The following NIPBL variants were observed in gnomAD, a reference collection of about 807,000 sequenced individuals.
NIPBL encodes nipped-B-like protein.
NIPBL carries 19 observed loss-of-function variants against 321.8 expected under a neutral mutation model. The observed-to-expected ratio is 0.06, with a 90% CI of 0.04 to 0.09. The LOEUF is 0.09. Among genes scored for constraint, NIPBL ranks in the 10% least tolerant of loss-of-function variants. NIPBL has a pLI of 1.00. For synonymous variants in NIPBL, 1,106 were observed against 1,114.1 expected, an observed-to-expected ratio of 0.99 and a Z score of 0.14; for missense variants, 2,210 against 3,327.0, an observed-to-expected ratio of 0.66 and a Z score of 8.26.
At chr5:36,932,973 G>A (rs919062293) in intron 1 of NIPBL, among the ~76,000 whole-genome samples, 11 of 151,468 alleles carry the variant, frequency 7.3e-5, no homozygotes, top group African/African-American at 1.9e-4. Flanking sequence ...ACAGGTGTAC[G>A]CTACTGCATG....
chr5:37,002,785 T>A lies in NIPBL; in HGVS notation c.3768+20T>A, dbSNP rs1291477339. On this transcript the variant is annotated intron_variant, in intron 15 of 46. Transcript: ENST00000282516. ...GATAAGGTATCTCACCAAAGTAAAA[T>A]TTATAAATTTACTTCATAGAAACAT... The A allele has an allele frequency of 7.7e-7, 1 of 1,303,728 alleles. No individual in the cohort carries two copies. Among genetic ancestry groups the A allele is most frequent in the Non-Finnish European group, 1.1e-6 (1 of 902,254 alleles). The allele number at this position is 1,303,728 out of a possible 1,614,324, so 80.8% of individuals were successfully genotyped here.
intron 1 of NIPBL, among the ~76,000 whole-genome samples, chr5:36,904,554 AG>A (rs1747483535): frequency 1.3e-5 from 2 of 152,216 alleles, no homozygotes; most frequent in South Asian, 4.1e-4. Flanking sequence ...TTATTATCTT[AG>A]TATTCCTATG....
intron 32 of NIPBL, among the ~76,000 whole-genome samples, chr5:37,031,023 G>A (rs758385500): frequency 1.4e-5 from 2 of 146,108 alleles, no homozygotes; most frequent in African/African-American, 2.5e-5. Context: ...CACTCTTGTC[G>A]CCCAGGGTGG....
Position 37,065,143 on chromosome 5 carries a change from G to A in NIPBL, c.*251G>A. ...GTTTAACAAAAATTGTTTATATCTT[G>A]GAAAAAAAACTTTCTGTTTAAAAAA... On this transcript the variant is annotated 3_prime_UTR_variant, in exon 47 of 47. Transcript: ENST00000282516. The A allele has an allele frequency of 4.2e-6, 2 of 480,268 alleles. No homozygotes were observed. Among genetic ancestry groups the A allele is most frequent in the Non-Finnish European group, 7.4e-6 (2 of 270,220 alleles). The allele number at this position is 480,268 out of a possible 1,614,324, so 29.8% of individuals were successfully genotyped here. A position where few individuals can be genotyped will look rare whatever the true frequency, so the allele number is the denominator to read the frequency against.
At chr5:37,046,049 A>C (rs1239690130) in intron 37 of NIPBL, 60 bp from the exon 38 acceptor site, 1 of 852,444 alleles carries the variant, frequency 1.2e-6, no homozygotes, top group African/African-American at 1.7e-5. Context: ...TTTCCTTTAT[A>C]GTTGAAAATT....
intron 1 of NIPBL, among the ~76,000 whole-genome samples, chr5:36,895,407 A>G (rs941470100): frequency 2.6e-5 from 4 of 152,168 alleles, no homozygotes; most frequent in African/African-American, 9.7e-5. Flanking sequence ...TTTGACTATT[A>G]TGAATAATGC....
At chr5:36,906,042 C>A (rs569066426) in intron 1 of NIPBL, among the ~76,000 whole-genome samples, 1 of 152,192 alleles carries the variant, frequency 6.6e-6, no homozygotes, top group African/African-American at 2.4e-5. Context: ...CTGCACCTGA[C>A]CCTGAAAAGT....
chr5:37,002,194 G>A (rs1746889349), intron 14 of NIPBL, among the ~76,000 whole-genome samples: 1 of 152,204 alleles, frequency 6.6e-6, no homozygotes, highest in Non-Finnish European at 1.5e-5. Flanking sequence ...AGAGTAGGCT[G>A]CCTTGAAAGA....
rs549487337 is a variant in NIPBL, at chr5:37,042,212, G to A, written c.6109-2135G>A. 8.1e-3 allele frequency among the ~76,000 whole-genome samples: 1,147 copies of A among 141,740 alleles called. 9 individuals carry two copies. The highest frequency in any genetic ancestry group is 0.026 in the African/African-American group (996 of 38,188). 93.0% of individuals were successfully genotyped at this position (141,740 alleles called of 152,430 possible). A position where few individuals can be genotyped will look rare whatever the true frequency, so the allele number is the denominator to read the frequency against. On this transcript the variant is annotated intron_variant, in intron 34 of 46. Transcript: ENST00000282516. ...AGCACTTTGGGAGGCCGAGGCAGGC[G>A]GATCACGAGGTCAGGAGTTCAAGAC... is the stretch of plus-strand genomic sequence containing the variant.
intron 1 of NIPBL, among the ~76,000 whole-genome samples, chr5:36,924,145 T>C (rs1489220222): frequency 6.6e-6 from 1 of 152,218 alleles, no homozygotes; most frequent in Non-Finnish European, 1.5e-5. Context: ...CTCTTAACTT[T>C]GGATAACAGC....
chr5:36,904,837 G>A (rs917724696), intron 1 of NIPBL, among the ~76,000 whole-genome samples: 7 of 152,168 alleles, frequency 4.6e-5, no homozygotes, highest in Admixed American at 4.6e-4. Flanking sequence ...GACTAAGAGA[G>A]GGTACCACAA....
In NIPBL at chr5:36,967,332, A is replaced by G. The variant is rs1742317333; in HGVS notation, c.611-3544A>G. On this transcript the variant is annotated intron_variant, in intron 6 of 46. Coordinates refer to ENST00000282516, the MANE Select transcript of NIPBL (RefSeq NM_133433.4). Reference sequence around the variant, plus strand: ...TTTTTTAGAGAACCGTGTGTTTGACAGTATCTATCATATAATTTAAAATTC... The same window carrying G: ...TTTTTTAGAGAACCGTGTGTTTGACGGTATCTATCATATAATTTAAAATTC... Among the ~76,000 whole-genome samples, 5 of 152,278 alleles carry G rather than the reference A, an allele frequency of 3.3e-5. No homozygotes were observed. In the South Asian group the frequency reaches 1.0e-3, roughly 32 times the overall value.
chr5:36,945,720 G>T (rs1411346357), intron 1 of NIPBL, among the ~76,000 whole-genome samples: 1 of 152,188 alleles, frequency 6.6e-6, no homozygotes, highest in Non-Finnish European at 1.5e-5. Context: ...TTTAAAGAAA[G>T]TGAGAATTTT....
At chr5:37,028,384 T>G (rs1750568312) in intron 32 of NIPBL, among the ~76,000 whole-genome samples, 1 of 130,326 alleles carries the variant, frequency 7.7e-6, no homozygotes, top group Non-Finnish European at 1.5e-5. Context: ...TTGCCCAAAC[T>G]GGAGTGCAGT....
Position 37,065,248 on chromosome 5 carries a change from G to A in NIPBL, c.*356G>A. On this transcript the variant is annotated 3_prime_UTR_variant, in exon 47 of 47. Transcript: ENST00000282516. ...TTGGAGTTTAACCTAGCAGCGGATGGCTTTCTTTAGCTTAGCCCAGTTTCC... is the reference window on the plus strand; with the variant it reads ...TTGGAGTTTAACCTAGCAGCGGATGACTTTCTTTAGCTTAGCCCAGTTTCC... 4.0e-6 allele frequency: 1 copy of A among 248,742 alleles called. No homozygotes were observed. Among genetic ancestry groups the A allele is most frequent in the Admixed American group, 5.2e-5 (1 of 19,110 alleles). 15.4% of individuals were successfully genotyped at this position (248,742 alleles called of 1,614,324 possible).
At chr5:36,888,625 C>T (rs1746093590) in intron 1 of NIPBL, among the ~76,000 whole-genome samples, 1 of 152,068 alleles carries the variant, frequency 6.6e-6, no homozygotes, top group Non-Finnish European at 1.5e-5. Context: ...TAAGCATGCA[C>T]ATATTTTTAA....
chr5:37,036,918 ATATT>A (rs1375490247), intron 33 of NIPBL, among the ~76,000 whole-genome samples: 7 of 152,130 alleles, frequency 4.6e-5, no homozygotes, highest in South Asian at 2.1e-4. Flanking sequence ...TACATTCCTA[ATATT>A]TATTATTTAT....
Position 36,979,268 on chromosome 5 carries a change from A to G in NIPBL, c.1495+2866A>G, listed in dbSNP as rs547724030. On this transcript the variant is annotated intron_variant, in intron 9 of 46. Coordinates refer to ENST00000282516, the MANE Select transcript of NIPBL (RefSeq NM_133433.4). ...TGTGTTATCTATGATTTATTTTATC[A>G]GTGTTTTGTAGTTGTCCTTGTAAAG... Among the ~76,000 whole-genome samples the G allele has an allele frequency of 5.9e-5, 9 of 152,006 alleles. No individual in the cohort carries two copies. The South Asian group carries it at 1.7e-3, about 28-fold the overall frequency.
Position 36,970,980 on chromosome 5 carries a change from C to T in NIPBL, c.715C>T (p.Pro239Ser). The change falls in exon 7 of 47, where the codon CCT (proline) becomes TCT (serine). Residue 239 changes from proline to serine, a missense_variant. Pro to Ser is a moderately conservative substitution (Grantham distance 74). This residue lies in a region of NIPBL where 464 missense variants were observed against 529.5 expected (regional missense o/e 0.88). Coordinates refer to ENST00000282516, the MANE Select transcript of NIPBL (RefSeq NM_133433.4). ...TTCAGCTAATCATCATGCTGATAAT[C>T]CTAGACATGGTTCAAGTGAGGACTA... The part of the protein sequence containing the change: ...GNSANHHADN[P>S]RHGSSEDYLH... 6.2e-7 allele frequency: 1 copy of T among 1,613,480 alleles called. No individual in the cohort carries two copies. Among genetic ancestry groups the T allele is most frequent in the South Asian group, 1.1e-5 (1 of 91,066 alleles).
Sources: gnomAD v4.1 joint callset for allele counts (sites outside exome capture counted in the v4.1 genomes callset) on GRCh38, gnomAD v4.1.1 for gene constraint, gnomAD v4.1.1 regional missense constraint, MANE v1.5 for transcripts, NCBI Gene and HGNC (gene_info 2026-07-23, HGNC 2026-07-21) for gene names.